The following PTPRT variants were observed in gnomAD, a reference collection of about 807,000 sequenced individuals.
PTPRT encodes the protein receptor-type tyrosine-protein phosphatase T.
Under a neutral mutation model 176.8 loss-of-function variants are expected in PTPRT, and 56 were observed. The ratio of observed to expected loss-of-function variants is 0.32; its 90% CI spans 0.26 to 0.40. PTPRT has a LOEUF of 0.40. Ranked by LOEUF, PTPRT falls within the 10% of genes least tolerant of loss-of-function variation. PTPRT has a pLI of 1.00. For missense variants in PTPRT, 1,540 were observed against 1,908.2 expected, an observed-to-expected ratio of 0.81 and a Z score of 3.60; for synonymous variants, 783 against 739.0, an observed-to-expected ratio of 1.06 and a Z score of -0.96.
At chr20:42,053,602 A>C in the PTPRT span, among the ~76,000 whole-genome samples, 1 of 152,202 alleles carries the variant, frequency 6.6e-6, no homozygotes, top group Non-Finnish European at 1.5e-5. Context: ...AACAAGATGC[A>C]TGGAGGAGAG....
At chr20:42,399,148 C>G (rs1213978533) in intron 9 of PTPRT, among the ~76,000 whole-genome samples, 1 of 152,232 alleles carries the variant, frequency 6.6e-6, no homozygotes, top group Non-Finnish European at 1.5e-5. Flanking sequence ...CAAAAAGATT[C>G]ACAGTCAGTG....
intron 12 of PTPRT, among the ~76,000 whole-genome samples, chr20:42,297,596 T>C (rs1315284518): frequency 6.6e-6 from 1 of 152,144 alleles, no homozygotes; most frequent in Non-Finnish European, 1.5e-5. Context: ...GAAATCTCGA[T>C]GGGGAACTTT....
chr20:42,896,319 CAG>C (rs1454535589), intron 1 of PTPRT, among the ~76,000 whole-genome samples: 1 of 151,862 alleles, frequency 6.6e-6, no homozygotes, highest in East Asian at 1.9e-4. Flanking sequence ...GACTAAAATG[CAG>C]AGTCTCTTCT....
At chr20:42,496,695 C>T (rs916242090) in intron 7 of PTPRT, among the ~76,000 whole-genome samples, 3 of 149,886 alleles carry the variant, frequency 2.0e-5, no homozygotes, top group Admixed American at 6.7e-5. Flanking sequence ...TTGATTGCTT[C>T]GGTCATAAAT....
chr20:42,070,008 C>A (rs78729627), downstream of PTPRT, among the ~76,000 whole-genome samples: 1 of 152,134 alleles, frequency 6.6e-6, no homozygotes, highest in East Asian at 1.9e-4. Context: ...TCAGGCCAAG[C>A]CTTTGTTGAG....
chr20:42,111,040 C>T (rs886466207), intron 22 of PTPRT, among the ~76,000 whole-genome samples: 1 of 152,128 alleles, frequency 6.6e-6, no homozygotes, highest in Non-Finnish European at 1.5e-5. Context: ...ACATAAGATG[C>T]GAAACAAACA....
At chr20:42,652,324 C>A (rs1371442063) in intron 7 of PTPRT, among the ~76,000 whole-genome samples, 2 of 152,130 alleles carry the variant, frequency 1.3e-5, no homozygotes, top group South Asian at 2.1e-4. Flanking sequence ...TTTAACAGAA[C>A]CTCCTTGAGT....
chr20:42,261,428 G>A (rs1413701883), intron 13 of PTPRT, among the ~76,000 whole-genome samples: 5 of 148,156 alleles, frequency 3.4e-5, no homozygotes, highest in African/African-American at 5.3e-5. Flanking sequence ...CCACTCACAG[G>A]TACTGGGGTT....
chr20:43,046,364 C>T (rs190481867), intron 1 of PTPRT, among the ~76,000 whole-genome samples: 5 of 151,762 alleles, frequency 3.3e-5, no homozygotes, highest in Admixed American at 3.3e-4. Flanking sequence ...GAGGTCAGAT[C>T]GAGACCATCC....
At chr20:43,159,305 T>A (rs2014618367) in intron 1 of PTPRT, among the ~76,000 whole-genome samples, 1 of 152,142 alleles carries the variant, frequency 6.6e-6, no homozygotes, top group African/African-American at 2.4e-5. Flanking sequence ...GAGAAAGAGA[T>A]GCAATTGGAA....
At position 43,101,693 on chromosome 20, in the gene PTPRT, C is replaced by T. The variant is rs578139693; in HGVS notation, c.88+87953G>A. 5.6e-4 allele frequency among the ~76,000 whole-genome samples: 85 copies of T among 152,192 alleles called. 1 individual carries two copies. The South Asian group carries it at 0.015, about 26-fold the overall frequency. On this transcript the variant is annotated intron_variant, in intron 1 of 30. Coordinates refer to ENST00000373187, the MANE Select transcript of PTPRT (RefSeq NM_007050.6). ...GGTGTTACAAGTAGTGGGAGGGAGA[C>T]GGCACAATATGGGACAGGCTAAGAG... is the stretch of plus-strand genomic sequence containing the variant.
intron 1 of PTPRT, among the ~76,000 whole-genome samples, chr20:42,936,198 G>A (rs992789651): frequency 6.6e-6 from 1 of 152,208 alleles, no homozygotes; most frequent in Non-Finnish European, 1.5e-5. Context: ...ACAGGAAAGG[G>A]AATGCTGGGG....
chr20:42,617,023 C>A (rs1273903103), intron 7 of PTPRT, among the ~76,000 whole-genome samples: 1 of 136,108 alleles, frequency 7.3e-6, no homozygotes. Context: ...TGCCAGTTTT[C>A]CAAGGGAATG....
intron 8 of PTPRT, among the ~76,000 whole-genome samples, chr20:42,468,452 G>C (rs1601081324): frequency 6.6e-6 from 1 of 152,194 alleles, no homozygotes; most frequent in Non-Finnish European, 1.5e-5. Context: ...TGGGTTTTGA[G>C]GCAGAGCCTC....
intron 7 of PTPRT, among the ~76,000 whole-genome samples, chr20:42,620,674 G>C (rs545288316): frequency 6.6e-6 from 1 of 152,220 alleles, no homozygotes; most frequent in Non-Finnish European, 1.5e-5. Flanking sequence ...TCTGAAAAGC[G>C]CAATATTCGG....
chr20:42,314,705 T>C (rs1187978879), intron 12 of PTPRT, among the ~76,000 whole-genome samples: 5 of 152,162 alleles, frequency 3.3e-5, no homozygotes, highest in South Asian at 2.1e-4. Flanking sequence ...AAAGATCTTA[T>C]GTAACTGAAA....
intron 1 of PTPRT, among the ~76,000 whole-genome samples, chr20:42,913,323 T>A (rs1199276022): frequency 1.3e-5 from 2 of 152,260 alleles, no homozygotes; most frequent in South Asian, 2.1e-4. Context: ...AGAGGGAGAA[T>A]CTGTTCCATG....
At chr20:42,306,635 TAC>T (rs2057547676) in intron 12 of PTPRT, among the ~76,000 whole-genome samples, 2 of 152,160 alleles carry the variant, frequency 1.3e-5, no homozygotes, top group Non-Finnish European at 2.9e-5. Context: ...AGCAAACGGT[TAC>T]GTGGGGGCCT....
intron 1 of PTPRT, among the ~76,000 whole-genome samples, chr20:43,046,459 T>G (rs1286157883): frequency 6.6e-6 from 1 of 150,774 alleles, no homozygotes; most frequent in African/African-American, 2.5e-5. Flanking sequence ...TCCCAGCTAC[T>G]AGGGGAGGCT....
Sources: allele counts gnomAD v4.1 joint callset (sites outside exome capture counted in the v4.1 genomes callset), GRCh38; gene constraint gnomAD v4.1.1; transcripts MANE v1.5; gene names NCBI Gene and HGNC (gene_info 2026-07-23, HGNC 2026-07-21).